The following ECI2 variants were observed in gnomAD, a reference collection of about 807,000 sequenced individuals.
ECI2 encodes the protein enoyl-CoA delta isomerase 2, also known as D3,D2-enoyl-CoA isomerase.
ECI2 carries 27 observed loss-of-function variants against 38.4 expected under a neutral mutation model. The observed-to-expected ratio is 0.70, with a 90% confidence interval of 0.52 to 0.97. The LOEUF (loss-of-function observed/expected upper bound fraction) is 0.97, where lower values mean the gene tolerates loss of function less well. Among genes scored for constraint, ECI2 ranks in the 50% least tolerant of loss-of-function variants. ECI2 has a pLI of 0.00. For synonymous variants in ECI2, 168 were observed against 172.0 expected (o/e 0.98, Z 0.18); for missense variants, 470 against 474.4 (o/e 0.99, Z 0.09).
At chr6:4,124,946 A>C in intron 7 of ECI2, 1 of 482,378 alleles carries the variant, frequency 2.1e-6, no homozygotes, top group Admixed American at 2.3e-5. Context: ...TCCCTCCCAT[A>C]ACAAATTTTC....
At chr6:4,134,017 A>G (rs1046142389) in intron 1 of ECI2, among the ~76,000 whole-genome samples, 5 of 152,256 alleles carry the variant, frequency 3.3e-5, no homozygotes, top group African/African-American at 1.2e-4. Flanking sequence ...TGCCAAAGGC[A>G]AGAAGTGAAG....
At chr6:4,135,298 G>T in intron 1 of ECI2, 2 of 1,387,998 alleles carry the variant, frequency 1.4e-6, no homozygotes, top group Non-Finnish European at 1.9e-6. Flanking sequence ...ACCTCCCGAC[G>T]CGCCCATCCT....
chr6:4,115,875 C>T lies in ECI2; in HGVS notation c.1184G>A (p.Ter395=), dbSNP rs767036448. The T allele has an allele frequency of 1.4e-5, 23 of 1,610,666 alleles. No individual in the cohort carries two copies. Among genetic ancestry groups the T allele is most frequent in the Non-Finnish European group, 2.0e-5 (23 of 1,178,456 alleles). The change falls in exon 10 of 10, where the codon TGA becomes TAA. Residue 395 remains the stop codon, a stop_retained_variant. Transcript: ENST00000380118. ...TGCTTTACTCTGCTGTAGTGGTCAT[C>T]ACAGTTTTGATTTTCTGGATAAGAA... is the stretch of plus-strand genomic sequence containing the variant. ...VNFLSRKSKL[*]
At chr6:4,131,766 A>T (rs1469820959) in intron 2 of ECI2, among the ~76,000 whole-genome samples, 2 of 152,190 alleles carry the variant, frequency 1.3e-5, no homozygotes, top group African/African-American at 2.4e-5. Flanking sequence ...CTGAGGCAGA[A>T]GGATTGCCTG....
At position 4,117,368 on chromosome 6, in the gene ECI2, A is replaced by G. The variant is rs1358506109; in HGVS notation, c.969T>C (p.Asp323=). The G allele has an allele frequency of 3.7e-6, 6 of 1,614,044 alleles. No homozygotes were observed. Among genetic ancestry groups the G allele is most frequent in the Admixed American group, 1.7e-5 (1 of 60,006 alleles). Residue 323 remains aspartate (D), a synonymous_variant, in exon 9 of 10, where the codon GAT becomes GAC. Coordinates refer to ENST00000380118, the MANE Select transcript of ECI2 (RefSeq NM_206836.3). ...TCCAGACTTCTTTCTGAAAAGTGCT[A>G]TCAGGGAAAACTTCAGTAACAAGTC... The part of the protein sequence containing the change: ...AQGLVTEVFP[D]STFQKEVWTR...
chr6:4,135,189 G>T, intron 1 of ECI2: 2 of 667,166 alleles, frequency 3.0e-6, no homozygotes, highest in East Asian at 3.5e-5. Context: ...TGCTCAGCTG[G>T]GGCGGCTCAC....
chr6:4,115,926 T>C lies in ECI2; in HGVS notation c.1133A>G (p.Asp378Gly). ...CNVLQGRWLS[D>G]ECTNAVVNFL... Reference sequence around the variant, plus strand: ...GTTCACCACAGCATTTGTGCATTCATCTGATAGCCATCTTCCCTGAAGGAC... The same window carrying C: ...GTTCACCACAGCATTTGTGCATTCACCTGATAGCCATCTTCCCTGAAGGAC... The change falls in exon 10 of 10, where the codon GAT (aspartate) becomes GGT (glycine). Residue 378 changes from aspartate to glycine, a missense_variant. Coordinates refer to ENST00000380118, the MANE Select transcript of ECI2 (RefSeq NM_206836.3). The C allele has an allele frequency of 6.2e-7, 1 of 1,614,224 alleles. No homozygotes were observed. Among genetic ancestry groups the C allele is most frequent in the Non-Finnish European group, 8.5e-7 (1 of 1,180,034 alleles).
At chr6:4,125,482 C>T (rs1773089317) in intron 6 of ECI2, 112 bp from the exon 7 acceptor site, 7 of 1,451,624 alleles carry the variant, frequency 4.8e-6, no homozygotes, top group Non-Finnish European at 6.5e-6. Context: ...GGTGTTTCCA[C>T]AGCCACCACC....
chr6:4,122,382 A>G (rs936579322), intron 7 of ECI2, among the ~76,000 whole-genome samples: 2 of 151,880 alleles, frequency 1.3e-5, no homozygotes, highest in African/African-American at 4.8e-5. Flanking sequence ...CACCACACCC[A>G]GCTCATTTTT....
intron 1 of ECI2, chr6:4,135,283 C>T: frequency 7.7e-7 from 1 of 1,293,504 alleles, no homozygotes; most frequent in Non-Finnish European, 1.1e-6. Context: ...GGAACCATAG[C>T]CCTGACCTCC....
In ECI2 at chr6:4,135,515, G is replaced by C. The variant is rs761795144; in HGVS notation, c.46C>G (p.Pro16Ala). The change falls in exon 1 of 10, where the codon CCG (proline) becomes GCG (alanine). Residue 16 changes from proline (P) to alanine (A), a missense_variant. Physicochemically the swap from Pro to Ala is conservative, Grantham distance 27. Transcript: ENST00000380118. ...LAWRLARRSC[P>A]SSLQVTSFPV... is the part of the protein sequence containing the mutation. ...CGGCCGGGACTCCAAGCTTACCTCG[G>C]ACACGAACGCCGCGCCAGTCTCCAA... 5 of 1,584,338 alleles carry C rather than the reference G, an allele frequency of 3.2e-6. No individual in the cohort carries two copies. Among genetic ancestry groups the C allele is most frequent in the East Asian group, 2.4e-5 (1 of 42,084 alleles).
chr6:4,121,871 C>A, intron 7 of ECI2: 1 of 675,026 alleles, frequency 1.5e-6, no homozygotes. Flanking sequence ...ATAACATATG[C>A]AGCATATACA....
In ECI2 at chr6:4,125,240, G is replaced by A. The variant is rs11751668; in HGVS notation, c.795+10C>T. On this transcript the variant is annotated intron_variant, in intron 7 of 9. Transcript: ENST00000380118. The stretch of plus-strand genomic sequence containing the variant: ...TTGCCTGACCTCTTGCTTTCTAGGA[G>A]CTGACTTACCCTGTCAGATGCATAC... 91,413 of 1,613,320 alleles carry A rather than the reference G, an allele frequency of 0.057. 4,342 individuals carry two copies. The highest frequency in any genetic ancestry group is 0.29 in the East Asian group (13,148 of 44,852).
intron 7 of ECI2, among the ~76,000 whole-genome samples, chr6:4,120,419 T>C (rs1772638106): frequency 6.6e-6 from 1 of 152,146 alleles, no homozygotes; most frequent in Non-Finnish European, 1.5e-5. Flanking sequence ...TTTGTGTATC[T>C]AAATATATCA....
chr6:4,130,039 T>C, intron 4 of ECI2: 1 of 1,361,516 alleles, frequency 7.3e-7, no homozygotes, highest in Admixed American at 1.8e-5. Flanking sequence ...GACATGAAGA[T>C]ACTTCTGGGA....
At chr6:4,134,544 T>C (rs1196122167) in intron 1 of ECI2, among the ~76,000 whole-genome samples, 1 of 152,054 alleles carries the variant, frequency 6.6e-6, no homozygotes, top group African/African-American at 2.4e-5. Context: ...ATAGAGTTAA[T>C]GGCAAAAAAG....
intron 3 of ECI2, 63 bp downstream of exon 3, chr6:4,130,704 A>G: frequency 6.2e-7 from 1 of 1,605,036 alleles, no homozygotes; most frequent in Admixed American, 1.7e-5. Context: ...ACAATGGCTT[A>G]ATGAGAAGCA....
Position 4,127,754 on chromosome 6 carries a change from T to C in ECI2, c.571+8A>G. On this transcript the variant is annotated splice_region_variant and intron_variant, in intron 5 of 9. Transcript: ENST00000380118. Reference sequence around the variant, plus strand: ...AATTTAATTAGGATGCCTGAGAAAATGTCTTACCTGTTAAAACAGTGATGA... The same window carrying C: ...AATTTAATTAGGATGCCTGAGAAAACGTCTTACCTGTTAAAACAGTGATGA... 6 of 1,609,040 alleles carry C rather than the reference T, an allele frequency of 3.7e-6. No individual in the cohort carries two copies. Among genetic ancestry groups the C allele is most frequent in the African/African-American group, 2.7e-5 (2 of 74,660 alleles).
At chr6:4,131,611 C>G (rs1773511743) in intron 2 of ECI2, among the ~76,000 whole-genome samples, 1 of 152,112 alleles carries the variant, frequency 6.6e-6, no homozygotes, top group South Asian at 2.1e-4. Context: ...AATCTCAGCA[C>G]TTTGGGAGGC....
Sources: gnomAD v4.1 joint callset for allele counts (sites outside exome capture counted in the v4.1 genomes callset) on GRCh38, gnomAD v4.1.1 for gene constraint, MANE v1.5 for transcripts, NCBI Gene and HGNC (gene_info 2026-07-23, HGNC 2026-07-21) for gene names.